NPEPPS: variants seen among roughly 807,000 people sequenced by gnomAD.
NPEPPS encodes the protein aminopeptidase puromycin sensitive, also known as puromycin-sensitive aminopeptidase.
NPEPPS carries 14 observed loss-of-function variants against 115.5 expected under a neutral mutation model. The observed-to-expected ratio is 0.12, with a 90% confidence interval of 0.08 to 0.19. The LOEUF (loss-of-function observed/expected upper bound fraction) is 0.19. Ranked by LOEUF, NPEPPS falls within the 10% of genes least tolerant of loss-of-function variation. The pLI is 1.00. For missense variants in NPEPPS, 523 were observed against 1,110.8 expected, an observed-to-expected ratio of 0.47 and a Z score of 7.52; for synonymous variants, 285 against 390.6, an observed-to-expected ratio of 0.73 and a Z score of 3.19.
chr17:47,590,736 G>T lies in NPEPPS; in HGVS notation c.1115G>T (p.Trp372Leu). Residue 372 changes from tryptophan to leucine, a missense_variant, in exon 10 of 23, where the codon TGG (tryptophan) becomes TTG (leucine). Physicochemically the swap from Trp to Leu is moderately conservative, Grantham distance 61 (BLOSUM62 -2). Around this residue, in one of 4 missense-constraint regions of NPEPPS, gnomAD observed 144 missense variants for 512.4 expected, o/e 0.28. Coordinates refer to ENST00000322157, the MANE Select transcript of NPEPPS (RefSeq NM_006310.4). ...TTTTAGGAATGGTGGACTCATCTTTGGTTAAATGAAGGTTTTGCATCCTGG... is the reference window on the plus strand; with the variant it reads ...TTTTAGGAATGGTGGACTCATCTTTTGTTAAATGAAGGTTTTGCATCCTGG... The part of the protein sequence containing the change: ...LVTMEWWTHL[W>L]LNEGFASWIE... The T allele has an allele frequency of 6.2e-7, 1 of 1,600,094 alleles. No individual in the cohort carries two copies. The highest frequency in any genetic ancestry group is 8.5e-7 in the Non-Finnish European group (1 of 1,175,448).
At chr17:47,543,518 G>A (rs1413564856) in intron 1 of NPEPPS, among the ~76,000 whole-genome samples, 1 of 148,918 alleles carries the variant, frequency 6.7e-6, no homozygotes, top group African/African-American at 2.5e-5. Flanking sequence ...GTAGAAATGG[G>A]GTTTCACCAT....
intron 2 of NPEPPS, among the ~76,000 whole-genome samples, chr17:47,549,644 G>A (rs574951397): frequency 1.3e-5 from 2 of 151,612 alleles, no homozygotes; most frequent in South Asian, 2.1e-4. Context: ...GCTGGGCGTG[G>A]TGGCAGGCAC....
intron 13 of NPEPPS, among the ~76,000 whole-genome samples, chr17:47,596,963 G>A (rs993700977): frequency 5.3e-5 from 8 of 151,852 alleles, no homozygotes; most frequent in African/African-American, 1.7e-4. Flanking sequence ...CAGGAGAATT[G>A]CTTGAACTCG....
At chr17:47,607,946 G>C (rs1025008479) in intron 17 of NPEPPS, among the ~76,000 whole-genome samples, 1 of 152,028 alleles carries the variant, frequency 6.6e-6, no homozygotes, top group Non-Finnish European at 1.5e-5. Context: ...CTGGATTCAA[G>C]CTATCCTCCC....
At chr17:47,588,165 T>C (rs1912301306) in intron 9 of NPEPPS, among the ~76,000 whole-genome samples, 1 of 152,272 alleles carries the variant, frequency 6.6e-6, no homozygotes, top group Non-Finnish European at 1.5e-5. Context: ...TTATCAACTA[T>C]TACGTGTCTC....
At chr17:47,562,327 A>G (rs1203754450) in intron 2 of NPEPPS, among the ~76,000 whole-genome samples, 1 of 152,180 alleles carries the variant, frequency 6.6e-6, no homozygotes, top group Non-Finnish European at 1.5e-5. Flanking sequence ...ATCTAATGCT[A>G]TCTCCAGGTA....
chr17:47,541,280 ATTAT>A (rs1430287169), intron 1 of NPEPPS, among the ~76,000 whole-genome samples: 1 of 152,108 alleles, frequency 6.6e-6, no homozygotes, highest in Non-Finnish European at 1.5e-5. Context: ...AACCACAGTT[ATTAT>A]TTTGCTGGCA....
intron 9 of NPEPPS, 100 bp from the exon 10 acceptor site, chr17:47,590,617 G>A (rs1245466253): frequency 7.4e-7 from 1 of 1,342,616 alleles, no homozygotes; most frequent in Non-Finnish European, 1.0e-6. Context: ...TCATTAAATT[G>A]TGAGTTTGGG....
At position 47,621,938 on chromosome 17, in the gene NPEPPS, T is replaced by C. The variant is rs1173415533; in HGVS notation, c.*18T>C. On this transcript the variant is annotated 3_prime_UTR_variant, in exon 23 of 23. Coordinates refer to ENST00000322157, the MANE Select transcript of NPEPPS (RefSeq NM_006310.4). ...CAGTGTGAATCCTGAGGTGCCGCCATTGGCGGTTCTGCTGCTTCGCTGCAG... is the reference window on the plus strand; with the variant it reads ...CAGTGTGAATCCTGAGGTGCCGCCACTGGCGGTTCTGCTGCTTCGCTGCAG... 1.3e-6 allele frequency: 2 copies of C among 1,598,584 alleles called. No homozygotes were observed. Among genetic ancestry groups the C allele is most frequent in the East Asian group, 4.5e-5 (2 of 44,390 alleles).
At chr17:47,590,263 C>G (rs1193355114) in intron 9 of NPEPPS, among the ~76,000 whole-genome samples, 1 of 152,100 alleles carries the variant, frequency 6.6e-6, no homozygotes, top group Non-Finnish European at 1.5e-5. Context: ...GTGGCTCACA[C>G]CTGTAATCTT....
In NPEPPS at chr17:47,622,844, A is replaced by G. The variant is rs1914670987; in HGVS notation, c.*924A>G. Reference sequence around the variant, plus strand: ...GCTAAAAATGGTCTTAGTTGTCTGAAAAGCCAGCTCTTGAACCTCTTCACA... The same window carrying G: ...GCTAAAAATGGTCTTAGTTGTCTGAGAAGCCAGCTCTTGAACCTCTTCACA... On this transcript the variant is annotated 3_prime_UTR_variant, in exon 23 of 23. Transcript: ENST00000322157. The G allele has an allele frequency of 2.2e-6, 1 of 455,354 alleles. No homozygotes were observed. The highest frequency in any genetic ancestry group is 4.4e-6 in the Non-Finnish European group (1 of 226,634). 28.2% of individuals were successfully genotyped at this position (455,354 alleles called of 1,614,324 possible). A position where few individuals can be genotyped will look rare whatever the true frequency, so the allele number is the denominator to read the frequency against.
chr17:47,530,869 T>C (rs1597802187), upstream of NPEPPS, among the ~76,000 whole-genome samples: 1 of 151,704 alleles, frequency 6.6e-6, no homozygotes, highest in African/African-American at 2.4e-5. Flanking sequence ...CTTATGCCTT[T>C]CCTTCCTCTG....
chr17:47,570,252 T>C (rs570634161), intron 3 of NPEPPS, among the ~76,000 whole-genome samples: 22 of 152,110 alleles, frequency 1.4e-4, no homozygotes, highest in African/African-American at 5.3e-4. Flanking sequence ...CAAAACCCCA[T>C]CTCTACCAAA....
intron 13 of NPEPPS, 58 bp downstream of exon 13, chr17:47,596,520 G>A (rs1332903958): frequency 1.5e-5 from 17 of 1,138,596 alleles, no homozygotes; most frequent in Non-Finnish European, 2.0e-5. Context: ...GTTCAGTACA[G>A]TGTATCAAGT....
At chr17:47,566,616 C>T (rs1910835911) in intron 2 of NPEPPS, among the ~76,000 whole-genome samples, 1 of 151,102 alleles carries the variant, frequency 6.6e-6, no homozygotes, top group South Asian at 2.1e-4. Flanking sequence ...TCTCCTGCCT[C>T]AGCCTCCCAA....
At chr17:47,569,164 C>G (rs1911035904) in intron 2 of NPEPPS, among the ~76,000 whole-genome samples, 1 of 151,914 alleles carries the variant, frequency 6.6e-6, no homozygotes, top group East Asian at 1.9e-4. Context: ...TTTATAAAGC[C>G]TTCTTTCCTG....
intron 22 of NPEPPS, among the ~76,000 whole-genome samples, chr17:47,621,170 G>A (rs1441841720): frequency 1.8e-5 from 2 of 108,286 alleles, no homozygotes; most frequent in African/African-American, 6.6e-5. Flanking sequence ...AACAGAGTGA[G>A]ACCCTGTCTC....
intron 2 of NPEPPS, among the ~76,000 whole-genome samples, chr17:47,563,449 A>G (rs1472322477): frequency 6.6e-6 from 1 of 152,246 alleles, no homozygotes; most frequent in Non-Finnish European, 1.5e-5. Flanking sequence ...AGATTTTAAA[A>G]TGCTTATTAT....
chr17:47,534,868 C>T (rs1432471494), intron 1 of NPEPPS, among the ~76,000 whole-genome samples: 2 of 151,902 alleles, frequency 1.3e-5, no homozygotes, highest in Non-Finnish European at 2.9e-5. Flanking sequence ...CATGCCCGGC[C>T]AACTTAGTGG....
Sources: allele counts gnomAD v4.1 joint callset (sites outside exome capture counted in the v4.1 genomes callset), GRCh38; gene constraint gnomAD v4.1.1; regional missense constraint gnomAD v4.1.1; transcripts MANE v1.5; gene names NCBI Gene and HGNC (gene_info 2026-07-23, HGNC 2026-07-21).